PHF21A: variants seen among roughly 807,000 people sequenced by gnomAD.
PHF21A encodes the protein BHC80a.
PHF21A carries 11 observed loss-of-function variants against 82.5 expected under a neutral mutation model. The observed-to-expected ratio is 0.13, with a 90% CI of 0.08 to 0.22. The LOEUF (loss-of-function observed/expected upper bound fraction) is 0.22, where lower values mean the gene tolerates loss of function less well. PHF21A is among the 10% of genes least tolerant of loss of function. The pLI is 1.00. For synonymous variants in PHF21A, 297 were observed against 302.8 expected, an observed-to-expected ratio of 0.98 and a Z score of 0.20; for missense variants, 579 against 837.8, an observed-to-expected ratio of 0.69 and a Z score of 3.81.
At chr11:46,098,205 G>A (rs917216244) in intron 1 of PHF21A, among the ~76,000 whole-genome samples, 2 of 152,176 alleles carry the variant, frequency 1.3e-5, no homozygotes, top group Admixed American at 1.3e-4. Flanking sequence ...GATTTAGACT[G>A]TACATAAATA....
At chr11:46,009,456 T>C (rs2095367469) in intron 6 of PHF21A, among the ~76,000 whole-genome samples, 1 of 152,164 alleles carries the variant, frequency 6.6e-6, no homozygotes, top group Admixed American at 6.5e-5. Context: ...ATACCAAGTG[T>C]CTGAACCATA....
At chr11:46,014,357 T>C (rs1439264134) in intron 6 of PHF21A, among the ~76,000 whole-genome samples, 1 of 152,284 alleles carries the variant, frequency 6.6e-6, no homozygotes, top group Non-Finnish European at 1.5e-5. Flanking sequence ...TTCTTTTTTA[T>C]GGCTGTGTAA....
rs538497148 is a variant in PHF21A, at chr11:46,014,788, G to A, written c.154-34822C>T. Reference sequence around the variant, plus strand: ...GAGGTCAGGAGATCGAGACCATCCCGGCTAAAACGGTGAAACCCCGTCTCT... The same window carrying A: ...GAGGTCAGGAGATCGAGACCATCCCAGCTAAAACGGTGAAACCCCGTCTCT... On this transcript the variant is annotated intron_variant, in intron 6 of 18. Coordinates refer to ENST00000676320, the MANE Select transcript of PHF21A (RefSeq NM_001352027.3). Among the ~76,000 whole-genome samples the A allele has an allele frequency of 4.7e-5, 5 of 105,460 alleles. 2 individuals carry two copies. In the South Asian group the frequency reaches 8.7e-4, roughly 18 times the overall value. The allele number at this position is 105,460 out of a possible 152,430, so 69.2% of individuals were successfully genotyped here. A position where few individuals can be genotyped will look rare whatever the true frequency, so the allele number is the denominator to read the frequency against.
chr11:45,949,547 G>T, intron 12 of PHF21A, 66 bp from the exon 13 acceptor site: 2 of 1,255,692 alleles, frequency 1.6e-6, no homozygotes, highest in Non-Finnish European at 2.3e-6. Context: ...TAACTTCATT[G>T]TTTTATCTAT....
rs1260760030 is a variant in PHF21A at position 46,121,426 on chromosome 11, C to T, written c.-728G>A. Among the ~76,000 whole-genome samples, 22 of 150,718 alleles carry T rather than the reference C, an allele frequency of 1.5e-4. No homozygotes were observed. Among genetic ancestry groups the T allele is most frequent in the Non-Finnish European group, 2.8e-4 (19 of 67,462 alleles). ...AGCAGCAGCAGCGAGCACCACCAGC[C>T]CATTCACCACCCGGCCCCGGGCCGC... On this transcript the variant is annotated 5_prime_UTR_variant, in exon 1 of 19. Transcript: ENST00000676320.
At chr11:45,977,523 T>C (rs2094092562) in intron 7 of PHF21A, among the ~76,000 whole-genome samples, 2 of 152,198 alleles carry the variant, frequency 1.3e-5, no homozygotes, top group African/African-American at 4.8e-5. Flanking sequence ...CAGGAAACAA[T>C]GAATTCTACC....
At chr11:46,039,394 G>A (rs2096077982) in intron 6 of PHF21A, among the ~76,000 whole-genome samples, 1 of 152,062 alleles carries the variant, frequency 6.6e-6, no homozygotes. Flanking sequence ...ATATATGCGT[G>A]GCTGTAAAAA....
chr11:46,091,292 CT>C (rs1334857966), intron 2 of PHF21A, among the ~76,000 whole-genome samples: 1 of 152,068 alleles, frequency 6.6e-6, no homozygotes, highest in East Asian at 1.9e-4. Flanking sequence ...TTCCAGCTAT[CT>C]TATTTGAGTG....
intron 7 of PHF21A, among the ~76,000 whole-genome samples, chr11:45,971,640 G>C (rs977479776): frequency 1.3e-5 from 2 of 151,974 alleles, no homozygotes; most frequent in African/African-American, 4.8e-5. Context: ...TCAGGCACAG[G>C]GTTTTCAACA....
chr11:45,932,171 G>A lies in PHF21A; in HGVS notation c.*1797C>T, dbSNP rs1251093258. ...CCAGCCTGTACTCCCGCACCCTCCT[G>A]TCACGGCCAGGGTGCGTGCGCACCA... is the stretch of plus-strand genomic sequence containing the variant. On this transcript the variant is annotated 3_prime_UTR_variant, in exon 19 of 19. Transcript: ENST00000676320. The surrounding 1 kb of genome is among the most constrained non-coding windows in gnomAD (Gnocchi z 4.3). 6.6e-6 allele frequency: 1 copy of A among 152,262 alleles called. No homozygotes were observed. Among genetic ancestry groups the A allele is most frequent in the Non-Finnish European group, 1.5e-5 (1 of 68,074 alleles). The allele number at this position is 152,262 out of a possible 1,614,324, so 9.4% of individuals were successfully genotyped here. A position where few individuals can be genotyped will look rare whatever the true frequency, so the allele number is the denominator to read the frequency against.
intron 6 of PHF21A, among the ~76,000 whole-genome samples, chr11:46,015,133 T>C (rs1176862360): frequency 1.3e-5 from 2 of 152,200 alleles, no homozygotes; most frequent in Admixed American, 1.3e-4. Flanking sequence ...TGTTGACTGC[T>C]TGTATGTCTC....
chr11:46,104,877 A>G (rs2097137027), intron 1 of PHF21A, among the ~76,000 whole-genome samples: 1 of 152,220 alleles, frequency 6.6e-6, no homozygotes, highest in African/African-American at 2.4e-5. Context: ...AAGGTCACAC[A>G]TTAAACTTTA....
chr11:45,958,396 CAAA>C (rs1159762183), intron 10 of PHF21A, among the ~76,000 whole-genome samples: 3 of 1,066 alleles, frequency 2.8e-3, no homozygotes, highest in African/African-American at 8.9e-3. Flanking sequence ...AACCTGGTCT[CAAA>C]AAAAAAAAAA....
chr11:45,940,863 G>A (rs759810309), intron 15 of PHF21A, among the ~76,000 whole-genome samples: 10 of 152,204 alleles, frequency 6.6e-5, no homozygotes, highest in Admixed American at 1.3e-4. Flanking sequence ...TGGGATAAAC[G>A]AAGAGGCGTT....
At chr11:46,034,858 C>A (rs146924202) in intron 6 of PHF21A, among the ~76,000 whole-genome samples, 281 of 152,252 alleles carry the variant, frequency 1.8e-3, no homozygotes, top group Non-Finnish European at 2.6e-3. Context: ...ACCCTGGCCA[C>A]ACAAATCAAA....
intron 3 of PHF21A, among the ~76,000 whole-genome samples, chr11:46,084,737 T>C (rs921073092): frequency 1.5e-4 from 22 of 151,360 alleles, no homozygotes; most frequent in African/African-American, 5.3e-4. Context: ...TGGAGTGCAG[T>C]GGTGCAATCT....
chr11:46,023,665 C>T (rs1403483553), intron 6 of PHF21A, among the ~76,000 whole-genome samples: 3 of 152,104 alleles, frequency 2.0e-5, no homozygotes. Flanking sequence ...TTAAGAATCA[C>T]TGAATGGAGG....
intron 6 of PHF21A, among the ~76,000 whole-genome samples, chr11:46,040,890 GACACACACACACACACAC>G (rs35673374): frequency 2.2e-5 from 3 of 137,320 alleles, no homozygotes; most frequent in South Asian, 2.4e-4. Flanking sequence ...CTGACAGGAA[GACACACACACACACACAC>G]ACACACACAC....
intron 6 of PHF21A, among the ~76,000 whole-genome samples, chr11:45,986,224 A>G (rs532956528): frequency 3.4e-4 from 52 of 152,048 alleles, no homozygotes; most frequent in African/African-American, 1.2e-3. Flanking sequence ...TAGACCTTTT[A>G]TTTGCTAGCC....
Sources: gnomAD v4.1 joint callset for allele counts (sites outside exome capture counted in the v4.1 genomes callset) on GRCh38, gnomAD v4.1.1 for gene constraint, Gnocchi (gnomAD v3.1) non-coding constraint, MANE v1.5 for transcripts, NCBI Gene and HGNC (gene_info 2026-07-23, HGNC 2026-07-21) for gene names.